Variants in MEMO1 observed in about 807,000 individuals in gnomAD.
MEMO1 encodes protein MEMO1.
In MEMO1, 6 loss-of-function variants were observed where a neutral mutation model predicts 45.2. The ratio of observed to expected loss-of-function variants is 0.13; its 90% confidence interval spans 0.07 to 0.26. The LOEUF is 0.26. Among genes scored for constraint, MEMO1 ranks in the 10% least tolerant of loss-of-function variants. The pLI, the probability that MEMO1 is intolerant of heterozygous loss-of-function variation, is 1.00. For missense variants in MEMO1, 184 were observed against 370.5 expected (o/e 0.50, Z 4.13); for synonymous variants, 78 against 124.3 (o/e 0.63, Z 2.48).
intron 6 of MEMO1, among the ~76,000 whole-genome samples, chr2:31,902,944 G>C (rs1679081618): frequency 6.6e-6 from 1 of 151,606 alleles, no homozygotes; most frequent in Non-Finnish European, 1.5e-5. Context: ...AACATAAAAA[G>C]ATGAATTCTA....
chr2:31,890,181 G>A (rs1474437686), intron 7 of MEMO1, among the ~76,000 whole-genome samples: 1 of 152,074 alleles, frequency 6.6e-6, no homozygotes. Flanking sequence ...GTTTACTGAC[G>A]TTTTATGTGA....
In MEMO1 at chr2:31,889,386, T is replaced by C. The variant is rs141777435; in HGVS notation, c.580+2606A>G. Among the ~76,000 whole-genome samples, 1,256 of 152,186 alleles carry C rather than the reference T, an allele frequency of 8.3e-3. 18 individuals carry two copies. Among genetic ancestry groups the C allele is most frequent in the Non-Finnish European group, 0.012 (847 of 67,944 alleles). On this transcript the variant is annotated intron_variant, in intron 7 of 9. Transcript: ENST00000404530. ...TTTAGAAGTCAGTGTTATGATTGCT[T>C]CTATATAATAAAAATCAAGCTGTAT...
At chr2:31,922,745 CG>C (rs1220705177) in intron 4 of MEMO1, among the ~76,000 whole-genome samples, 1 of 151,814 alleles carries the variant, frequency 6.6e-6, no homozygotes, top group Admixed American at 6.6e-5. Flanking sequence ...TCTGTTCCTA[CG>C]GGAGTTTGCT....
Position 31,945,512 on chromosome 2 carries a change from C to T in MEMO1, c.62-2129G>A, listed in dbSNP as rs753102276. Among the ~76,000 whole-genome samples, 20 of 152,304 alleles carry T rather than the reference C, an allele frequency of 1.3e-4. No homozygotes were observed. In the East Asian group the frequency reaches 2.9e-3, roughly 22 times the overall value. On this transcript the variant is annotated intron_variant, in intron 2 of 9. Coordinates refer to ENST00000404530, the MANE Select transcript of MEMO1 (RefSeq NM_001301833.4). ...ATTTAAAATAAGAGGCCTAATTCTACCTGTACTCCCCGACCCCCTTTTCTT... is the reference window on the plus strand; with the variant it reads ...ATTTAAAATAAGAGGCCTAATTCTATCTGTACTCCCCGACCCCCTTTTCTT...
chr2:31,935,911 T>C (rs1291618635), intron 3 of MEMO1, among the ~76,000 whole-genome samples: 2 of 152,134 alleles, frequency 1.3e-5, no homozygotes, highest in Non-Finnish European at 2.9e-5. Context: ...GATATTCTAA[T>C]ATGCACTGTA....
intron 6 of MEMO1, among the ~76,000 whole-genome samples, chr2:31,906,273 G>A (rs559433469): frequency 2.0e-5 from 3 of 151,640 alleles, no homozygotes; most frequent in South Asian, 4.2e-4. Context: ...CCCGGCCAAG[G>A]AGTGCTATTC....
chr2:31,900,060 G>A (rs1030158180), intron 6 of MEMO1, among the ~76,000 whole-genome samples: 7 of 152,184 alleles, frequency 4.6e-5, no homozygotes, highest in Non-Finnish European at 1.0e-4. Context: ...GGAGAAACAG[G>A]AAAGCTTTTA....
At chr2:31,948,834 A>G (rs1157652244) in intron 2 of MEMO1, among the ~76,000 whole-genome samples, 1 of 152,200 alleles carries the variant, frequency 6.6e-6, no homozygotes, top group Non-Finnish European at 1.5e-5. Flanking sequence ...AATCCTTTAA[A>G]CTGAATAAAT....
At chr2:31,963,624 T>C (rs1668278461) in intron 2 of MEMO1, among the ~76,000 whole-genome samples, 1 of 152,188 alleles carries the variant, frequency 6.6e-6, no homozygotes, top group Non-Finnish European at 1.5e-5. Flanking sequence ...ATAAGTATTA[T>C]AGATAATAAA....
intron 7 of MEMO1, 82 bp from the exon 8 acceptor site, chr2:31,883,544 A>T (rs1675718515): frequency 2.0e-6 from 2 of 1,001,250 alleles, no homozygotes; most frequent in Admixed American, 5.2e-5. Flanking sequence ...AAATAATTTC[A>T]GTTCTCATGA....
chr2:31,953,975 G>A (rs565798715), intron 2 of MEMO1, among the ~76,000 whole-genome samples: 6 of 152,250 alleles, frequency 3.9e-5, no homozygotes, highest in African/African-American at 1.4e-4. Context: ...TAAATATTCT[G>A]ATTTTTTAAA....
At chr2:31,933,352 T>TAAAA (rs1558514359) in intron 3 of MEMO1, among the ~76,000 whole-genome samples, 52 of 12,210 alleles carry the variant, frequency 4.3e-3, no homozygotes, top group South Asian at 7.7e-3. Flanking sequence ...AAAAAAAATT[T>TAAAA]ATATATATAT....
intron 4 of MEMO1, among the ~76,000 whole-genome samples, chr2:31,926,322 G>C (rs1683104830): frequency 1.4e-5 from 2 of 147,574 alleles, no homozygotes; most frequent in South Asian, 2.2e-4. Flanking sequence ...CGTGAGCTAT[G>C]ATCATGCCAC....
intron 6 of MEMO1, among the ~76,000 whole-genome samples, chr2:31,900,408 T>C (rs1478927732): frequency 1.3e-5 from 2 of 152,138 alleles, no homozygotes; most frequent in Admixed American, 6.5e-5. Context: ...GAAACCATCA[T>C]TGTCAGCAAA....
chr2:32,009,593 G>C (rs1287024704), intron 2 of MEMO1, among the ~76,000 whole-genome samples: 1 of 152,232 alleles, frequency 6.6e-6, no homozygotes, highest in Non-Finnish European at 1.5e-5. Flanking sequence ...CACGGGGCGA[G>C]AAGACTTCCT....
At chr2:31,874,644 T>G (rs1572533333) in intron 8 of MEMO1, among the ~76,000 whole-genome samples, 1 of 152,016 alleles carries the variant, frequency 6.6e-6, no homozygotes, top group Admixed American at 6.5e-5. Context: ...AATCTAAAAT[T>G]TTATACTTAG....
chr2:31,977,856 C>G (rs1267902302), intron 2 of MEMO1, among the ~76,000 whole-genome samples: 1 of 152,224 alleles, frequency 6.6e-6, no homozygotes, highest in East Asian at 1.9e-4. Flanking sequence ...TATGAAACTT[C>G]ACAAAATAAA....
chr2:31,937,073 T>G (rs1665000886), intron 3 of MEMO1, among the ~76,000 whole-genome samples: 1 of 152,206 alleles, frequency 6.6e-6, no homozygotes. Context: ...CTATATAATT[T>G]GCAAATGCAG....
chr2:31,893,347 G>A, intron 6 of MEMO1: 1 of 1,156,502 alleles, frequency 8.6e-7, no homozygotes. Context: ...AAAAAAGGAA[G>A]CTGGCAGAGG....
Sources: allele counts gnomAD v4.1 joint callset (sites outside exome capture counted in the v4.1 genomes callset), GRCh38; gene constraint gnomAD v4.1.1; transcripts MANE v1.5; gene names NCBI Gene and HGNC (gene_info 2026-07-23, HGNC 2026-07-21).